The following SCML4 variants were observed in gnomAD, a reference collection of about 807,000 sequenced individuals.
The protein encoded by SCML4 is Scm polycomb group protein like 4, also known as sex comb on midleg-like protein 4.
In SCML4, 34 loss-of-function variants were observed where a neutral mutation model predicts 41.1. The observed-to-expected ratio is 0.83, with a 90% CI of 0.63 to 1.10. The LOEUF is 1.10. SCML4 is among the 50% of genes least tolerant of loss of function. The pLI, the probability that SCML4 is intolerant of heterozygous loss-of-function variation, is 0.00. For synonymous variants in SCML4, 214 were observed against 220.9 expected, an observed-to-expected ratio of 0.97 and a Z score of 0.28; for missense variants, 522 against 534.1, an observed-to-expected ratio of 0.98 and a Z score of 0.22.
chr6:107,707,375 T>TA (rs57892324), intron 7 of SCML4, among the ~76,000 whole-genome samples: 103,232 of 152,070 alleles, frequency 0.68, 35,342 homozygotes, highest in Admixed American at 0.76. Flanking sequence ...TTCTTATCTT[T>TA]AAAAAAATTA....
the SCML4 span, among the ~76,000 whole-genome samples, chr6:107,834,809 G>A: frequency 2.6e-5 from 4 of 151,978 alleles, no homozygotes; most frequent in Admixed American, 6.6e-5. Context: ...GCCAGACATG[G>A]CAGCAGGCAC....
intron 6 of SCML4, among the ~76,000 whole-genome samples, chr6:107,708,708 C>T (rs1388091006): frequency 1.3e-5 from 2 of 152,196 alleles, no homozygotes; most frequent in Non-Finnish European, 2.9e-5. Flanking sequence ...ACTGTGAACT[C>T]CCTGACCGCA....
intron 2 of SCML4, among the ~76,000 whole-genome samples, chr6:107,754,349 G>A (rs1290468865): frequency 6.6e-6 from 1 of 152,222 alleles, no homozygotes; most frequent in Non-Finnish European, 1.5e-5. Context: ...TCATAAACCT[G>A]TTTTGACTCA....
At chr6:107,760,524 A>G (rs545393590) in intron 2 of SCML4, among the ~76,000 whole-genome samples, 45 of 152,354 alleles carry the variant, frequency 3.0e-4, no homozygotes, top group Admixed American at 1.4e-3. Flanking sequence ...TTTGCATCCC[A>G]AATTCACAGA....
chr6:107,801,644 G>A (rs1783136395), intron 1 of SCML4, among the ~76,000 whole-genome samples: 1 of 152,128 alleles, frequency 6.6e-6, no homozygotes, highest in Non-Finnish European at 1.5e-5. Flanking sequence ...AAGCTTCTAG[G>A]TATTCTTACA....
chr6:107,746,808 C>T lies in SCML4; in HGVS notation c.368G>A (p.Gly123Glu), dbSNP rs1335530161. The T allele has an allele frequency of 6.2e-7, 1 of 1,614,120 alleles. No homozygotes were observed. ...KKVQQLPEHF[G>E]PERPSAVLQQ... ...CAGCACCGCCGATGGCCGCTCGGGC[C>T]CAAAATGCTCCGGGAGCTGCTGCAC... The change falls in exon 4 of 8, where the codon GGG (glycine) becomes GAG (glutamate). Residue 123 changes from glycine to glutamate, a missense_variant. Coordinates refer to ENST00000369020, the MANE Select transcript of SCML4 (RefSeq NM_198081.5).
At chr6:107,812,222 A>T (rs1357142345) in intron 1 of SCML4, among the ~76,000 whole-genome samples, 1 of 152,212 alleles carries the variant, frequency 6.6e-6, no homozygotes, top group Non-Finnish European at 1.5e-5. Context: ...ACAGTCTCTA[A>T]AAGGTGCTCT....
chr6:107,756,892 C>T lies in SCML4; in HGVS notation c.157-7079G>A, dbSNP rs554065482. Among the ~76,000 whole-genome samples, 11 of 152,306 alleles carry T rather than the reference C, an allele frequency of 7.2e-5. No homozygotes were observed. The South Asian group carries it at 8.3e-4, about 11-fold the overall frequency. On this transcript the variant is annotated intron_variant, in intron 2 of 7. Coordinates refer to ENST00000369020, the MANE Select transcript of SCML4 (RefSeq NM_198081.5). ...ACTGGAAGCAGCTTGCTGTGCAGGA[C>T]GCCATGCTCTGACATACAGGAGCTA...
rs1773387757 is a variant in SCML4 at position 107,704,060 on chromosome 6, A to C, written c.*1140T>G. Reference sequence around the variant, plus strand: ...GAAAATCAATTTTTTCTATTACTCCACTGTGAGGAAGGAAAACCTATTTGT... The same window carrying C: ...GAAAATCAATTTTTTCTATTACTCCCCTGTGAGGAAGGAAAACCTATTTGT... On this transcript the variant is annotated 3_prime_UTR_variant, in exon 8 of 8. Transcript: ENST00000369020. 6.6e-6 allele frequency: 1 copy of C among 152,208 alleles called. No homozygotes were observed. The highest frequency in any genetic ancestry group is 1.5e-5 in the Non-Finnish European group (1 of 68,044). 9.4% of individuals were successfully genotyped at this position (152,208 alleles called of 1,614,324 possible).
chr6:107,843,765 T>G, the SCML4 span, among the ~76,000 whole-genome samples: 10,195 of 152,184 alleles, frequency 0.067, 1,058 homozygotes, highest in African/African-American at 0.22. Context: ...CCACCCAAAC[T>G]TCCAGAAACC....
chr6:107,777,746 G>A (rs1319396728), intron 1 of SCML4, among the ~76,000 whole-genome samples: 1 of 152,074 alleles, frequency 6.6e-6, no homozygotes, highest in African/African-American at 2.4e-5. Context: ...GAAAGTAGCA[G>A]CTTGCCACCA....
At chr6:107,790,291 G>A (rs1347237857) in intron 1 of SCML4, among the ~76,000 whole-genome samples, 5 of 152,124 alleles carry the variant, frequency 3.3e-5, no homozygotes, top group Non-Finnish European at 7.3e-5. Flanking sequence ...TGACCTCTTG[G>A]GGCTTTGCAT....
chr6:107,739,954 T>C (rs907960995), intron 5 of SCML4: 1 of 360,170 alleles, frequency 2.8e-6, no homozygotes. Context: ...ACAAGCAAAA[T>C]TCACAGCACT....
chr6:107,743,614 T>C (rs1050820972), intron 5 of SCML4, among the ~76,000 whole-genome samples: 4 of 152,166 alleles, frequency 2.6e-5, no homozygotes, highest in Admixed American at 6.5e-5. Flanking sequence ...CATTTACCCA[T>C]AGGAAATCTA....
intron 4 of SCML4, 117 bp downstream of exon 4, chr6:107,746,572 G>A (rs56149635): frequency 1.6e-4 from 133 of 848,788 alleles, no homozygotes; most frequent in Non-Finnish European, 2.3e-4. Context: ...GACCCTAGGA[G>A]CCCAGCAGAT....
chr6:107,822,265 G>A (rs777863699), intron 1 of SCML4, among the ~76,000 whole-genome samples: 1 of 152,108 alleles, frequency 6.6e-6, no homozygotes, highest in African/African-American at 2.4e-5. Context: ...GACAGTATTT[G>A]GGTCTGGCTT....
At chr6:107,845,749 A>C in the SCML4 span, among the ~76,000 whole-genome samples, 4 of 152,248 alleles carry the variant, frequency 2.6e-5, no homozygotes, top group African/African-American at 9.6e-5. Context: ...AAGAGGATAC[A>C]GTGTGGAGAC....
chr6:107,739,933 A>G (rs1158548738), intron 5 of SCML4: 6 of 360,520 alleles, frequency 1.7e-5, no homozygotes, highest in Non-Finnish European at 2.2e-5. Context: ...CACTTTCCCC[A>G]AGGCTCCCTG....
At chr6:107,723,514 G>C (rs1418203052) in intron 5 of SCML4, among the ~76,000 whole-genome samples, 1 of 152,150 alleles carries the variant, frequency 6.6e-6, no homozygotes, top group African/African-American at 2.4e-5. Flanking sequence ...ACCATCTTAA[G>C]TAGGGAACCA....
Sources: allele counts gnomAD v4.1 joint callset (sites outside exome capture counted in the v4.1 genomes callset), GRCh38; gene constraint gnomAD v4.1.1; transcripts MANE v1.5; gene names NCBI Gene and HGNC (gene_info 2026-07-23, HGNC 2026-07-21).